SOX6: variants seen among roughly 807,000 people sequenced by gnomAD.
SOX6 encodes SRY-box transcription factor 6, also known as transcription factor SOX-6.
In SOX6, 11 loss-of-function variants were observed where a neutral mutation model predicts 97.8. That is an observed-to-expected ratio of 0.11 (90% CI 0.07 to 0.19). The LOEUF (loss-of-function observed/expected upper bound fraction) is 0.19, where lower values mean the gene tolerates loss of function less well. Ranked by LOEUF, SOX6 falls within the 10% of genes least tolerant of loss-of-function variation. The pLI is 1.00. For synonymous variants in SOX6, 360 were observed against 371.4 expected (o/e 0.97, Z 0.35); for missense variants, 810 against 1,039.5 (o/e 0.78, Z 3.04).
At position 16,605,932 on chromosome 11, in the gene SOX6, C is replaced by A. The variant is rs574804935; in HGVS notation, n.609+6149G>T. Reference sequence around the variant, plus strand: ...TTTAGTCTCTATTCTTTGGGGGATGCGGTTTAGGTCGGCTCGCAAGGGAAG... The same window carrying A: ...TTTAGTCTCTATTCTTTGGGGGATGAGGTTTAGGTCGGCTCGCAAGGGAAG... On this transcript the variant is annotated intron_variant and non_coding_transcript_variant, in intron 4 of 5. Transcript: ENST00000524520. The surrounding 1 kb of genome is among the most constrained non-coding windows in gnomAD (Gnocchi z 5.3). 6.6e-6 allele frequency: 1 copy of A among 152,296 alleles called. No individual in the cohort carries two copies. Among genetic ancestry groups the A allele is most frequent in the African/African-American group, 2.4e-5 (1 of 41,524 alleles). The allele number at this position is 152,296 out of a possible 1,614,324, so 9.4% of individuals were successfully genotyped here. A position where few individuals can be genotyped will look rare whatever the true frequency, so the allele number is the denominator to read the frequency against.
chr11:16,243,108 T>G (rs954898759), intron 3 of SOX6, among the ~76,000 whole-genome samples: 5 of 151,996 alleles, frequency 3.3e-5, no homozygotes, highest in African/African-American at 1.2e-4. Context: ...TCCTCAATTA[T>G]GCCTTGATTC....
At chr11:16,231,387 C>T (rs1454272913) in intron 4 of SOX6, among the ~76,000 whole-genome samples, 2 of 151,642 alleles carry the variant, frequency 1.3e-5, no homozygotes, top group East Asian at 3.8e-4. Context: ...GTAGATATAA[C>T]ACCTCATTCT....
At chr11:15,995,941 C>A (rs1854209976) in intron 13 of SOX6, among the ~76,000 whole-genome samples, 1 of 152,010 alleles carries the variant, frequency 6.6e-6, no homozygotes, top group Non-Finnish European at 1.5e-5. Flanking sequence ...GAGTTACCAG[C>A]AGACAAACAC....
At chr11:16,155,145 G>C (rs548494251) in intron 6 of SOX6, among the ~76,000 whole-genome samples, 5 of 152,076 alleles carry the variant, frequency 3.3e-5, no homozygotes, top group African/African-American at 1.2e-4. Flanking sequence ...TGAGTCTACA[G>C]GTTTTTCAAT....
chr11:16,441,552 T>G (rs1282395383), intron 1 of SOX6, among the ~76,000 whole-genome samples: 1 of 152,192 alleles, frequency 6.6e-6, no homozygotes, highest in Non-Finnish European at 1.5e-5. Flanking sequence ...TCAAAGCAAT[T>G]TATATTATTT....
chr11:16,181,683 G>C (rs1851351565), intron 6 of SOX6, among the ~76,000 whole-genome samples: 1 of 151,562 alleles, frequency 6.6e-6, no homozygotes, highest in African/African-American at 2.4e-5. Context: ...TTTTTGAATG[G>C]TCTCACATGT....
chr11:16,473,520 A>T (rs891526205), intron 1 of SOX6, among the ~76,000 whole-genome samples: 5 of 150,760 alleles, frequency 3.3e-5, no homozygotes, highest in Non-Finnish European at 7.4e-5. Context: ...GTAGTTGCTG[A>T]AGGTTGGAGT....
At chr11:16,330,486 G>A (rs1008219935) in intron 2 of SOX6, among the ~76,000 whole-genome samples, 3 of 152,174 alleles carry the variant, frequency 2.0e-5, no homozygotes, top group African/African-American at 7.2e-5. Flanking sequence ...GAACCCAGAA[G>A]GCGGAGGTTC....
rs201291654 is a variant in SOX6, at chr11:16,538,650, C to CAA, written n.610-62264_610-62263dup. Among the ~76,000 whole-genome samples, 6 of 149,598 alleles carry CAA rather than the reference C, an allele frequency of 4.0e-5. 1 individual carries two copies. The East Asian group carries it at 7.8e-4, about 20-fold the overall frequency. The stretch of plus-strand genomic sequence containing the variant: ...GAAGATCTACAAAGCAAATGGAAAA[C>CAA]AAAAAAAAAGCAGGGGTTGCAATCC... On this transcript the variant is annotated intron_variant and non_coding_transcript_variant, in intron 4 of 5. Transcript: ENST00000524520.
chr11:16,602,817 T>G (rs1347221857), intron 4 of SOX6, among the ~76,000 whole-genome samples: 6 of 150,740 alleles, frequency 4.0e-5, no homozygotes, highest in Admixed American at 3.3e-4. Flanking sequence ...AGGTCAGGAG[T>G]TCAACACCAG....
chr11:16,134,412 G>A (rs1447771708), intron 6 of SOX6, among the ~76,000 whole-genome samples: 1 of 151,296 alleles, frequency 6.6e-6, no homozygotes, highest in African/African-American at 2.5e-5. Flanking sequence ...TCTTGAAGAA[G>A]GTGTGTATAG....
chr11:16,028,057 T>C (rs545021868), intron 12 of SOX6, among the ~76,000 whole-genome samples: 1 of 152,294 alleles, frequency 6.6e-6, no homozygotes, highest in Middle Eastern at 3.4e-3. Context: ...TCTTGGACAA[T>C]ATGAGTGAAA....
chr11:16,631,694 C>T (rs1694568244), intron 3 of SOX6, among the ~76,000 whole-genome samples: 6 of 152,142 alleles, frequency 3.9e-5, no homozygotes, highest in Admixed American at 3.3e-4. Context: ...TTTACTTTTT[C>T]TCTTTATCTC....
chr11:16,705,122 G>A (rs1848122000), intron 3 of SOX6, among the ~76,000 whole-genome samples: 1 of 152,012 alleles, frequency 6.6e-6, no homozygotes, highest in Non-Finnish European at 1.5e-5. Flanking sequence ...GCCAGGCATG[G>A]TAGTGGGCAC....
chr11:16,340,557 A>G (rs1856597855), intron 2 of SOX6, among the ~76,000 whole-genome samples: 1 of 152,138 alleles, frequency 6.6e-6, no homozygotes, highest in African/African-American at 2.4e-5. Context: ...TTATAAGTCA[A>G]GAATGACCAT....
At chr11:16,592,215 C>T (rs572788730) in intron 4 of SOX6, among the ~76,000 whole-genome samples, 1 of 151,146 alleles carries the variant, frequency 6.6e-6, no homozygotes, top group Non-Finnish European at 1.5e-5. Context: ...CAGAAGTTCT[C>T]CCGAACAAAC....
upstream of SOX6, among the ~76,000 whole-genome samples, chr11:16,360,012 C>A (rs930283577): frequency 6.6e-6 from 1 of 152,186 alleles, no homozygotes; most frequent in Non-Finnish European, 1.5e-5. Flanking sequence ...CTGTCTGACT[C>A]CAAATCCCAT....
At chr11:16,095,619 A>T (rs1848776367) in intron 9 of SOX6, among the ~76,000 whole-genome samples, 2 of 151,904 alleles carry the variant, frequency 1.3e-5, no homozygotes, top group Admixed American at 6.6e-5. Context: ...GATCAAATTT[A>T]CAGGGTTATT....
chr11:16,019,183 A>G (rs1011463679), intron 12 of SOX6, among the ~76,000 whole-genome samples: 5 of 152,226 alleles, frequency 3.3e-5, no homozygotes, highest in Middle Eastern at 3.4e-3. Context: ...CCAGGCCTCA[A>G]ATTATTTCAA....
Sources: gnomAD v4.1 joint callset for allele counts (sites outside exome capture counted in the v4.1 genomes callset) on GRCh38, gnomAD v4.1.1 for gene constraint, Gnocchi (gnomAD v3.1) non-coding constraint, MANE v1.5 for transcripts, NCBI Gene and HGNC (gene_info 2026-07-23, HGNC 2026-07-21) for gene names.